LRRC4C: variants seen among roughly 807,000 people sequenced by gnomAD.
The protein encoded by LRRC4C is leucine-rich repeat-containing protein 4C.
A neutral mutation model predicts 33.6 loss-of-function variants in LRRC4C; 5 were observed. The ratio of observed to expected loss-of-function variants is 0.15; its 90% CI spans 0.08 to 0.31. The LOEUF is 0.31. Among genes scored for constraint, LRRC4C ranks in the 10% least tolerant of loss-of-function variants. LRRC4C has a pLI of 1.00. For synonymous variants in LRRC4C, 329 were observed against 302.0 expected, an observed-to-expected ratio of 1.09 and a Z score of -0.93; for missense variants, 560 against 796.7, an observed-to-expected ratio of 0.70 and a Z score of 3.58.
At chr11:40,521,385 A>T (rs772602872) in intron 3 of LRRC4C, among the ~76,000 whole-genome samples, 1 of 152,230 alleles carries the variant, frequency 6.6e-6, no homozygotes, top group African/African-American at 2.4e-5. Flanking sequence ...GATTTATAGC[A>T]ATCAGCTTTT....
At chr11:41,458,973 A>G (rs1332025515) in intron 1 of LRRC4C, among the ~76,000 whole-genome samples, 2 of 152,076 alleles carry the variant, frequency 1.3e-5, no homozygotes, top group Non-Finnish European at 2.9e-5. Context: ...AGCTATGGGG[A>G]GGGGGAAGTC....
intron 3 of LRRC4C, among the ~76,000 whole-genome samples, chr11:40,603,885 C>T (rs1210620633): frequency 6.6e-6 from 1 of 152,002 alleles, no homozygotes. Context: ...GTAAGTATTC[C>T]AAAAATCTGG....
intron 1 of LRRC4C, among the ~76,000 whole-genome samples, chr11:41,009,893 G>A (rs922586315): frequency 1.2e-4 from 18 of 152,212 alleles, no homozygotes; most frequent in South Asian, 6.2e-4. Flanking sequence ...TTTAACAAAC[G>A]TAATCAATTT....
At chr11:40,764,680 G>C (rs1034037794) in intron 2 of LRRC4C, among the ~76,000 whole-genome samples, 3 of 152,116 alleles carry the variant, frequency 2.0e-5, no homozygotes, top group Non-Finnish European at 2.9e-5. Context: ...AGTCCCAGTG[G>C]TGGTGGCCAC....
chr11:40,383,150 A>G (rs976344468), intron 3 of LRRC4C, among the ~76,000 whole-genome samples: 10 of 152,110 alleles, frequency 6.6e-5, no homozygotes, highest in Non-Finnish European at 1.2e-4. Context: ...TATTTCACCT[A>G]GCATGATGTT....
intron 2 of LRRC4C, among the ~76,000 whole-genome samples, chr11:40,792,156 T>A (rs1381809244): frequency 6.6e-6 from 1 of 152,182 alleles, no homozygotes; most frequent in Non-Finnish European, 1.5e-5. Context: ...AGCCCTATTC[T>A]AGCATTTGCT....
intron 3 of LRRC4C, among the ~76,000 whole-genome samples, chr11:40,482,344 T>A (rs545324526): frequency 6.6e-6 from 1 of 152,272 alleles, no homozygotes; most frequent in East Asian, 1.9e-4. Context: ...AGTTTAATCC[T>A]TTAAAATAAA....
At chr11:40,781,028 CAGAG>C (rs1304387106) in intron 2 of LRRC4C, among the ~76,000 whole-genome samples, 1 of 152,086 alleles carries the variant, frequency 6.6e-6, no homozygotes, top group African/African-American at 2.4e-5. Context: ...GTGCAAGCAT[CAGAG>C]AGTGTACTTT....
intron 2 of LRRC4C, among the ~76,000 whole-genome samples, chr11:40,764,756 G>A (rs575178892): frequency 1.2e-4 from 18 of 152,078 alleles, no homozygotes; most frequent in Non-Finnish European, 2.1e-4. Flanking sequence ...CATTTTTAGG[G>A]GGGGAACATA....
intron 2 of LRRC4C, among the ~76,000 whole-genome samples, chr11:40,902,178 G>C (rs1375558418): frequency 6.6e-6 from 1 of 151,968 alleles, no homozygotes; most frequent in Non-Finnish European, 1.5e-5. Flanking sequence ...GCATGTCTTT[G>C]TGTCACATTT....
intron 1 of LRRC4C, among the ~76,000 whole-genome samples, chr11:41,283,432 C>CT (rs1395386395): frequency 6.6e-6 from 1 of 152,074 alleles, no homozygotes; most frequent in Non-Finnish European, 1.5e-5. Flanking sequence ...GAACCACACG[C>CT]TATTATTGTC....
chr11:40,510,499 T>C (rs1264154103), intron 3 of LRRC4C, among the ~76,000 whole-genome samples: 2 of 152,194 alleles, frequency 1.3e-5, no homozygotes, highest in Admixed American at 1.3e-4. Flanking sequence ...ATAAGAATCC[T>C]GTAAATTCAT....
chr11:40,500,271 G>GATATATATATATATATAT (rs377169790), intron 3 of LRRC4C, among the ~76,000 whole-genome samples: 6 of 105,036 alleles, frequency 5.7e-5, no homozygotes, highest in Non-Finnish European at 9.7e-5. Flanking sequence ...CCTAATGTCT[G>GATATATATATATATATAT]ATATATATAT....
At chr11:40,671,667 G>GTGTGTT (rs1565621169) in intron 2 of LRRC4C, among the ~76,000 whole-genome samples, 1 of 107,472 alleles carries the variant, frequency 9.3e-6, no homozygotes, top group African/African-American at 3.6e-5. Flanking sequence ...GTGTGTGTGT[G>GTGTGTT]TGTGTGTGTG....
intron 3 of LRRC4C, among the ~76,000 whole-genome samples, chr11:40,463,245 A>G (rs1159047588): frequency 6.6e-6 from 1 of 151,890 alleles, no homozygotes; most frequent in Non-Finnish European, 1.5e-5. Flanking sequence ...GCATAGAAGT[A>G]TAGAAGTATA....
intron 1 of LRRC4C, among the ~76,000 whole-genome samples, chr11:40,991,204 TAA>T (rs1186155913): frequency 0.37 from 38,190 of 103,280 alleles, 6,419 homozygotes; most frequent in East Asian, 0.5. Context: ...TCCCAATATG[TAA>T]AAAAAAAAAA....
intron 1 of LRRC4C, among the ~76,000 whole-genome samples, chr11:41,282,211 G>A (rs998660970): frequency 1.8e-4 from 28 of 152,158 alleles, no homozygotes; most frequent in African/African-American, 5.6e-4. Flanking sequence ...CTATCTAGCC[G>A]CTGGACTGAG....
intron 1 of LRRC4C, among the ~76,000 whole-genome samples, chr11:41,295,745 A>G (rs1950123532): frequency 1.3e-5 from 2 of 152,000 alleles, no homozygotes; most frequent in Non-Finnish European, 2.9e-5. Context: ...CTGCCTTTTT[A>G]TTATTTCCAT....
At chr11:40,362,415 A>C (rs1456063291) in intron 3 of LRRC4C, among the ~76,000 whole-genome samples, 1 of 152,166 alleles carries the variant, frequency 6.6e-6, no homozygotes, top group Non-Finnish European at 1.5e-5. Context: ...ACAAATTTAC[A>C]AGAAAAAAAA....
Sources: gnomAD v4.1 joint callset for allele counts (sites outside exome capture counted in the v4.1 genomes callset) on GRCh38, gnomAD v4.1.1 for gene constraint, MANE v1.5 for transcripts, NCBI Gene and HGNC (gene_info 2026-07-23, HGNC 2026-07-21) for gene names.